The following SGTB variants were observed in gnomAD, a reference collection of about 807,000 sequenced individuals.
SGTB encodes small glutamine-rich tetratricopeptide repeat-containing protein beta.
SGTB carries 19 observed loss-of-function variants against 43.9 expected under a neutral mutation model. That is an observed-to-expected ratio of 0.43 (90% CI 0.30 to 0.63). The LOEUF (loss-of-function observed/expected upper bound fraction) is 0.63. Ranked by LOEUF, SGTB falls within the 30% of genes least tolerant of loss-of-function variation. The pLI, the probability that SGTB is intolerant of heterozygous loss-of-function variation, is 0.12. For missense variants in SGTB, 304 were observed against 358.9 expected (o/e 0.85, Z 1.24); for synonymous variants, 116 against 117.3 (o/e 0.99, Z 0.07).
chr5:65,720,865 T>A, intron 1 of SGTB, 36 bp from the exon 2 acceptor site: 1 of 1,587,846 alleles, frequency 6.3e-7, no homozygotes, highest in Non-Finnish European at 8.6e-7. Flanking sequence ...AACTAAGTTA[T>A]TTTAAAGAAT....
chr5:65,698,709 C>A (rs571233907), intron 5 of SGTB, among the ~76,000 whole-genome samples: 3 of 152,130 alleles, frequency 2.0e-5, no homozygotes, highest in East Asian at 1.9e-4. Context: ...AATTATCCCA[C>A]CAAAAAGTGG....
intron 6 of SGTB, among the ~76,000 whole-genome samples, chr5:65,682,823 T>C (rs1433872932): frequency 6.6e-6 from 1 of 152,182 alleles, no homozygotes; most frequent in Non-Finnish European, 1.5e-5. Context: ...ATAATATATA[T>C]AGTTGATTCT....
At chr5:65,692,492 T>C (rs564634976) in intron 5 of SGTB, among the ~76,000 whole-genome samples, 1 of 152,266 alleles carries the variant, frequency 6.6e-6, no homozygotes, top group African/African-American at 2.4e-5. Context: ...GTAGGCTTCA[T>C]AACAAAATTT....
At chr5:65,684,133 G>T (rs979200763) in intron 6 of SGTB, among the ~76,000 whole-genome samples, 6 of 151,662 alleles carry the variant, frequency 4.0e-5, no homozygotes, top group African/African-American at 1.5e-4. Context: ...CACTCAGGCT[G>T]GAGTGCAGTG....
At position 65,704,313 on chromosome 5, in the gene SGTB, A is replaced by T. The variant is rs1413031867; in HGVS notation, c.340T>A (p.Leu114Met). ...TAGTAAACTGCATTATTGGGATCCAATTCTATTGCCTGTGTGTAACAATCC... is the reference window on the plus strand; with the variant it reads ...TAGTAAACTGCATTATTGGGATCCATTTCTATTGCCTGTGTGTAACAATCC... Reference protein sequence around the residue: ...AVDCYTQAIELDPNNAVYYCN... With the variant: ...AVDCYTQAIEMDPNNAVYYCN... The change falls in exon 5 of 11, where the codon TTG (leucine) becomes ATG (methionine). Residue 114 changes from leucine (L) to methionine (M), a missense_variant. By Grantham distance (15) the Leu-to-Met change is conservative. Coordinates refer to ENST00000381007, the MANE Select transcript of SGTB (RefSeq NM_019072.3). 2 of 1,612,436 alleles carry T rather than the reference A, an allele frequency of 1.2e-6. No homozygotes were observed. The highest frequency in any genetic ancestry group is 1.7e-5 in the Admixed American group (1 of 59,840).
chr5:65,679,961 C>T (rs1359239679), intron 8 of SGTB, among the ~76,000 whole-genome samples: 1 of 152,220 alleles, frequency 6.6e-6, no homozygotes, highest in African/African-American at 2.4e-5. Flanking sequence ...GGTACATATA[C>T]ACCATGGAAT....
At chr5:65,719,798 C>A (rs776311777) in intron 2 of SGTB, among the ~76,000 whole-genome samples, 1 of 152,098 alleles carries the variant, frequency 6.6e-6, no homozygotes, top group Non-Finnish European at 1.5e-5. Context: ...TACAGATTAC[C>A]GAATCCAATA....
intron 5 of SGTB, among the ~76,000 whole-genome samples, chr5:65,701,163 GAAAAGGTAGGGGAGGAGAGTGCT>G (rs1234088711): frequency 2.6e-5 from 4 of 151,618 alleles, no homozygotes; most frequent in Non-Finnish European, 5.9e-5. Context: ...AACCACAAAA[GAAAAGGTAGGGGAGGAGAGTGCT>G]ATCTCAGAAA....
At chr5:65,714,843 T>C (rs1050985879) in intron 2 of SGTB, among the ~76,000 whole-genome samples, 1 of 152,102 alleles carries the variant, frequency 6.6e-6, no homozygotes, top group African/African-American at 2.4e-5. Flanking sequence ...TGTCATTAGA[T>C]GACAAGGCAC....
Position 65,685,430 on chromosome 5 carries a change from T to C in SGTB, c.417A>G (p.Ile139Met). The change falls in exon 6 of 11, where the codon ATA becomes ATG. Residue 139 changes from isoleucine to methionine, a missense_variant. Transcript: ENST00000381007. ...QSKLGHYTDA[I>M]KDCEKAIAID... Reference sequence around the variant, plus strand: ...TTGCTATTGCTTTTTCACAATCCTTTATCGCATCTGTGTAGTGACCTAATT... The same window carrying C: ...TTGCTATTGCTTTTTCACAATCCTTCATCGCATCTGTGTAGTGACCTAATT... 2 of 1,614,184 alleles carry C rather than the reference T, an allele frequency of 1.2e-6. No homozygotes were observed. Among genetic ancestry groups the C allele is most frequent in the Non-Finnish European group, 1.7e-6 (2 of 1,180,014 alleles).
At chr5:65,708,752 A>G (rs1000580638) in intron 3 of SGTB, among the ~76,000 whole-genome samples, 194 bp from the exon 4 acceptor site, 2 of 141,260 alleles carry the variant, frequency 1.4e-5, no homozygotes, top group Non-Finnish European at 3.2e-5. Flanking sequence ...AGAAATATGA[A>G]TATCTGTGAC....
intron 10 of SGTB, among the ~76,000 whole-genome samples, chr5:65,671,414 A>G (rs1318976659): frequency 6.6e-6 from 1 of 152,110 alleles, no homozygotes; most frequent in African/African-American, 2.4e-5. Flanking sequence ...TGACAACACA[A>G]TCAAGTAAAA....
chr5:65,672,341 A>G (rs1311611781), intron 8 of SGTB, 60 bp from the exon 9 acceptor site: 1 of 1,541,912 alleles, frequency 6.5e-7, no homozygotes, highest in African/African-American at 1.9e-5. Flanking sequence ...ATCTTAGCAA[A>G]GATTTTTTTT....
upstream of SGTB, chr5:65,722,240 G>A (rs1240175486): frequency 6.8e-4 from 351 of 516,094 alleles, 1 homozygote; most frequent in Non-Finnish European, 9.2e-5. Context: ...GTGGGAGGGC[G>A]CTGGCCAGGC....
chr5:65,707,270 A>G (rs1757950841), intron 4 of SGTB, among the ~76,000 whole-genome samples: 2 of 151,864 alleles, frequency 1.3e-5, no homozygotes, highest in Admixed American at 1.3e-4. Flanking sequence ...CAAAAAAAAC[A>G]AAACAAAAGC....
At chr5:65,715,218 C>T (rs1367687735) in intron 2 of SGTB, among the ~76,000 whole-genome samples, 1 of 152,130 alleles carries the variant, frequency 6.6e-6, no homozygotes, top group African/African-American at 2.4e-5. Flanking sequence ...AGAATCTATT[C>T]CTATTTATTC....
At chr5:65,717,842 C>T (rs781075070) in intron 2 of SGTB, among the ~76,000 whole-genome samples, 4 of 152,044 alleles carry the variant, frequency 2.6e-5, no homozygotes, top group East Asian at 1.9e-4. Flanking sequence ...CATTTATTTA[C>T]GGCTACATGA....
chr5:65,718,281 T>C (rs558701184), intron 2 of SGTB, among the ~76,000 whole-genome samples: 1 of 152,248 alleles, frequency 6.6e-6, no homozygotes, highest in East Asian at 1.9e-4. Flanking sequence ...ATGCCAATAA[T>C]ACCAGCCACC....
At chr5:65,722,507 G>T (rs1479002053), upstream of SGTB, 5 of 1,180,920 alleles carry the variant, frequency 4.2e-6, no homozygotes, top group Non-Finnish European at 6.0e-6. Flanking sequence ...CTTCCCGACC[G>T]CGCCTCTCCG....
Sources: allele counts gnomAD v4.1 joint callset (sites outside exome capture counted in the v4.1 genomes callset), GRCh38; gene constraint gnomAD v4.1.1; transcripts MANE v1.5; gene names NCBI Gene and HGNC (gene_info 2026-07-23, HGNC 2026-07-21).